Variants in NBPF3 observed in about 807,000 individuals in gnomAD.
NBPF3 encodes NBPF member 3.
NBPF3 carries 57 observed loss-of-function variants against 78.1 expected under a neutral mutation model. That is an observed-to-expected ratio of 0.73 (90% CI 0.59 to 0.91). The LOEUF (loss-of-function observed/expected upper bound fraction) is 0.91. NBPF3 is among the 40% of genes least tolerant of loss of function. NBPF3 has a pLI of 0.00. For missense variants in NBPF3, 510 were observed against 715.3 expected (o/e 0.71, Z 3.27); for synonymous variants, 182 against 271.7 (o/e 0.67, Z 3.25).
chr1:21,451,278 A>G (rs1641295193), intron 2 of NBPF3, among the ~76,000 whole-genome samples: 1 of 152,246 alleles, frequency 6.6e-6, no homozygotes, highest in African/African-American at 2.4e-5. Context: ...TAAAACTGCT[A>G]TGAACATTCT....
chr1:21,465,192 C>G (rs1299175898), intron 2 of NBPF3, among the ~76,000 whole-genome samples: 2 of 152,196 alleles, frequency 1.3e-5, no homozygotes, highest in Non-Finnish European at 2.9e-5. Context: ...CCAGGACTTA[C>G]AACAAGGGGA....
At chr1:21,437,450 A>C (rs1569881658), upstream of NBPF3, 21 of 1,426,918 alleles carry the variant, frequency 1.5e-5, no homozygotes, top group South Asian at 1.9e-4. Flanking sequence ...CCTGCGGGAC[A>C]AGACCGAGGG....
Position 21,440,266 on chromosome 1 carries a change from G to C in NBPF3, c.-222G>C, listed in dbSNP as rs1054990192. 6.6e-6 allele frequency: 1 copy of C among 152,376 alleles called. No homozygotes were observed. Among genetic ancestry groups the C allele is most frequent in the African/African-American group, 2.4e-5 (1 of 41,466 alleles). 9.4% of individuals were successfully genotyped at this position (152,376 alleles called of 1,614,324 possible). The stretch of plus-strand genomic sequence containing the variant: ...CGGGACTGGCAACCTGCGGCGCCAG[G>C]AGCTGGGCCGAGGCGCGGCGGCGCG... On this transcript the variant is annotated 5_prime_UTR_variant, in exon 1 of 15. Coordinates refer to ENST00000318249, the MANE Select transcript of NBPF3 (RefSeq NM_032264.6).
intron 2 of NBPF3, among the ~76,000 whole-genome samples, chr1:21,456,141 G>A (rs139622408): frequency 1.3e-5 from 2 of 152,146 alleles, no homozygotes; most frequent in African/African-American, 4.8e-5. Flanking sequence ...CCATGAATCC[G>A]TTGTAATAAA....
At chr1:21,450,627 C>T (rs1250272823) in intron 2 of NBPF3, among the ~76,000 whole-genome samples, 5 of 152,134 alleles carry the variant, frequency 3.3e-5, no homozygotes, top group African/African-American at 1.2e-4. Flanking sequence ...ATGCATTCAC[C>T]GTCTCCCCTA....
At position 21,478,289 on chromosome 1, in the gene NBPF3, T is replaced by G; in HGVS notation, c.1138T>G (p.Leu380Val). 1 of 1,614,004 alleles carries G rather than the reference T, an allele frequency of 6.2e-7. No individual in the cohort carries two copies. Among genetic ancestry groups the G allele is most frequent in the Non-Finnish European group, 8.5e-7 (1 of 1,180,042 alleles). ...CTCAGTAGAGGAACAGCAAGTCGGC[T>G]TGGCTCTTGACATAGGCAGTGAGTA... Reference protein sequence around the residue: ...FHSVEEQQVGLALDIGRHWCD... With the variant: ...FHSVEEQQVGVALDIGRHWCD... The change falls in exon 9 of 15, where the codon TTG (leucine) becomes GTG (valine). Residue 380 changes from leucine to valine, a missense_variant. Coordinates refer to ENST00000318249, the MANE Select transcript of NBPF3 (RefSeq NM_032264.6).
chr1:21,451,748 T>C, intron 2 of NBPF3: 1 of 197,818 alleles, frequency 5.1e-6, no homozygotes. Flanking sequence ...GTAAATAAAT[T>C]CTTGGTTCCT....
chr1:21,440,465 T>TG (rs1410219932), intron 1 of NBPF3, 117 bp downstream of exon 1: 15 of 34,518 alleles, frequency 4.3e-4, no homozygotes, highest in Admixed American at 4.3e-3. Flanking sequence ...GGGTGGGAGG[T>TG]GGGGGGTGTG....
chr1:21,473,062 G>A, intron 6 of NBPF3, 147 bp downstream of exon 6: 1 of 731,100 alleles, frequency 1.4e-6, no homozygotes, highest in Non-Finnish European at 2.4e-6. Context: ...TGGACACAGG[G>A]TGTGGCAGCT....
intron 2 of NBPF3, among the ~76,000 whole-genome samples, chr1:21,452,601 C>T (rs1191618331): frequency 2.6e-5 from 4 of 152,180 alleles, no homozygotes; most frequent in Admixed American, 2.6e-4. Context: ...ATTAAATCCC[C>T]GTCAGTTTAA....
intron 9 of NBPF3, 101 bp from the exon 10 acceptor site, chr1:21,479,248 G>A: frequency 1.6e-6 from 2 of 1,256,468 alleles, no homozygotes; most frequent in Non-Finnish European, 2.3e-6. Context: ...TTCTCACACT[G>A]AGAAGACTGA....
chr1:21,444,465 A>G (rs1256887069), intron 1 of NBPF3, among the ~76,000 whole-genome samples: 1 of 152,176 alleles, frequency 6.6e-6, no homozygotes, highest in Admixed American at 6.5e-5. Flanking sequence ...CACTCTCTTA[A>G]TTCCCTAACA....
chr1:21,451,447 G>A (rs976985582), intron 2 of NBPF3, among the ~76,000 whole-genome samples: 2 of 152,180 alleles, frequency 1.3e-5, no homozygotes, highest in African/African-American at 2.4e-5. Flanking sequence ...ATTAATGTAC[G>A]AAGATGAGAA....
At chr1:21,454,856 T>G (rs1207213060) in intron 2 of NBPF3, among the ~76,000 whole-genome samples, 1 of 152,224 alleles carries the variant, frequency 6.6e-6, no homozygotes, top group African/African-American at 2.4e-5. Context: ...TTTCTTGCAG[T>G]GTCCACAGAT....
chr1:21,472,684 G>A (rs1268518200), intron 5 of NBPF3, among the ~76,000 whole-genome samples, 159 bp from the exon 6 acceptor site: 3 of 152,180 alleles, frequency 2.0e-5, no homozygotes, highest in Admixed American at 6.5e-5. Context: ...CTGATGGATC[G>A]GGAAACCATG....
intron 14 of NBPF3, 45 bp downstream of exon 14, chr1:21,482,580 G>A: frequency 1.1e-5 from 1 of 88,474 alleles, no homozygotes; most frequent in Non-Finnish European, 1.8e-5. Context: ...GTTAACACCT[G>A]GAGACAACAG....
intron 5 of NBPF3, 35 bp downstream of exon 5, chr1:21,471,818 C>G (rs748444842): frequency 1.2e-6 from 2 of 1,609,750 alleles, no homozygotes; most frequent in South Asian, 2.2e-5. Context: ...ACCCAAAACC[C>G]CAGGCTTATG....
In NBPF3 at chr1:21,468,760, C is replaced by G. The variant is rs1642418919; in HGVS notation, c.206C>G (p.Ala69Gly). The part of the protein sequence containing the change: ...VSAGPWSGEK[A>G]EMNILEINKK... ...GCCGGCCCTTGGTCCGGTGAGAAGGCAGAGATGAACATTCTAGAAATCAAC... is the reference window on the plus strand; with the variant it reads ...GCCGGCCCTTGGTCCGGTGAGAAGGGAGAGATGAACATTCTAGAAATCAAC... Residue 69 changes from alanine to glycine, a missense_variant, in exon 3 of 15, where the codon GCA (alanine) becomes GGA (glycine). Ala to Gly is a moderately conservative substitution (Grantham distance 60). Transcript: ENST00000318249. 6.2e-7 allele frequency: 1 copy of G among 1,613,680 alleles called. No individual in the cohort carries two copies. The highest frequency in any genetic ancestry group is 8.5e-7 in the Non-Finnish European group (1 of 1,179,722).
rs1640888304 is a variant in NBPF3 at position 21,445,116 on chromosome 1, C to T, written c.30C>T (p.Phe10=). 6.8e-6 allele frequency: 11 copies of T among 1,611,884 alleles called. No individual in the cohort carries two copies. The highest frequency in any genetic ancestry group is 9.3e-6 in the Non-Finnish European group (11 of 1,179,800). MPLTPTVQG[F]QWTLRGPDVE... ...CACTGACTCCCACTGTCCAGGGCTT[C>T]CAGTGGACTCTCCGAGGCCCTGATG... The change falls in exon 2 of 15, where the codon TTC becomes TTT. Residue 10 remains phenylalanine, a synonymous_variant. Transcript: ENST00000318249.
Sources: gnomAD v4.1 joint callset for allele counts (sites outside exome capture counted in the v4.1 genomes callset) on GRCh38, gnomAD v4.1.1 for gene constraint, MANE v1.5 for transcripts, NCBI Gene and HGNC (gene_info 2026-07-23, HGNC 2026-07-21) for gene names.